TRDMT1: variants seen among roughly 807,000 people sequenced by gnomAD.
TRDMT1 encodes tRNA (cytosine(38)-C(5))-methyltransferase.
In TRDMT1, 49 loss-of-function variants were observed where a neutral mutation model predicts 51.2. The ratio of observed to expected loss-of-function variants is 0.96; its 90% CI spans 0.76 to 1.21. TRDMT1 has a LOEUF of 1.21. TRDMT1 is among the 50% of genes most tolerant of loss of function. TRDMT1 has a pLI of 0.00. For synonymous variants in TRDMT1, 187 were observed against 164.6 expected (o/e 1.14, Z -1.04); for missense variants, 534 against 462.3 (o/e 1.16, Z -1.42).
intron 1 of TRDMT1, among the ~76,000 whole-genome samples, chr10:17,190,989 G>A (rs552238425): frequency 6.6e-6 from 1 of 152,354 alleles, no homozygotes; most frequent in South Asian, 2.1e-4. Flanking sequence ...GTTACAGAAT[G>A]TCTCTTTAGC....
Position 17,148,439 on chromosome 10 carries a change from C to A in TRDMT1, c.*601G>T, listed in dbSNP as rs1021226212. 4 of 985,240 alleles carry A rather than the reference C, an allele frequency of 4.1e-6. No individual in the cohort carries two copies. In the African/African-American group the frequency reaches 7.0e-5, roughly 17 times the overall value. The allele number at this position is 985,240 out of a possible 1,614,324, so 61.0% of individuals were successfully genotyped here. A position where few individuals can be genotyped will look rare whatever the true frequency, so the allele number is the denominator to read the frequency against. On this transcript the variant is annotated 3_prime_UTR_variant, in exon 11 of 11. Coordinates refer to ENST00000377799, the MANE Select transcript of TRDMT1 (RefSeq NM_004412.7). Reference sequence around the variant, plus strand: ...CTGAGGAAAATGTAGATAATGTGCACCAACAGTTTCTGTGGCCGCTTCATG... The same window carrying A: ...CTGAGGAAAATGTAGATAATGTGCAACAACAGTTTCTGTGGCCGCTTCATG...
chr10:17,149,207 A>G (rs963359519), intron 10 of TRDMT1, 67 bp from the exon 11 acceptor site: 1 of 1,268,568 alleles, frequency 7.9e-7, no homozygotes, highest in Non-Finnish European at 1.1e-6. Flanking sequence ...GAAAGGATGT[A>G]TCCTTTAGTA....
At chr10:17,159,564 T>C (rs1457267951) in intron 6 of TRDMT1, among the ~76,000 whole-genome samples, 1 of 152,168 alleles carries the variant, frequency 6.6e-6, no homozygotes, top group Admixed American at 6.5e-5. Context: ...AATTCAAATA[T>C]AGCTATTCTT....
rs1837932766 is a variant in TRDMT1, at chr10:17,144,418, T to C, written c.*4622A>G. 1 of 985,466 alleles carries C rather than the reference T, an allele frequency of 1.0e-6. No individual in the cohort carries two copies. The highest frequency in any genetic ancestry group is 1.2e-6 in the Non-Finnish European group (1 of 829,926). 61.0% of individuals were successfully genotyped at this position (985,466 alleles called of 1,614,324 possible). A position where few individuals can be genotyped will look rare whatever the true frequency, so the allele number is the denominator to read the frequency against. ...AAAAGAGTTCTATGGGAGAACTCAG[T>C]TCCTATCTTGTAATTTTTGTGAAAA... On this transcript the variant is annotated 3_prime_UTR_variant, in exon 11 of 11. Transcript: ENST00000377799.
At chr10:17,180,157 T>G (rs868469269) in intron 1 of TRDMT1, among the ~76,000 whole-genome samples, 3 of 152,210 alleles carry the variant, frequency 2.0e-5, no homozygotes, top group Admixed American at 6.5e-5. Context: ...TATGGCTATG[T>G]TTGTCTATTA....
At chr10:17,169,192 G>C (rs146022216) in intron 2 of TRDMT1, 1 of 564,370 alleles carries the variant, frequency 1.8e-6, no homozygotes, top group African/African-American at 1.9e-5. Flanking sequence ...AAGCACATCT[G>C]GCCTGTATCA....
chr10:17,152,553 A>G (rs1390780851), intron 10 of TRDMT1, among the ~76,000 whole-genome samples: 9 of 152,332 alleles, frequency 5.9e-5, no homozygotes, highest in Non-Finnish European at 1.5e-5. Flanking sequence ...AACTCTCAAG[A>G]GTCCTCAAAA....
chr10:17,180,527 G>A (rs970326290), intron 1 of TRDMT1, among the ~76,000 whole-genome samples: 32 of 123,794 alleles, frequency 2.6e-4, no homozygotes, highest in Non-Finnish European at 4.0e-4. Context: ...GCAAAAGAGC[G>A]GAACTCTGTC....
At chr10:17,149,234 T>A in intron 10 of TRDMT1, 94 bp from the exon 11 acceptor site, 1 of 937,124 alleles carries the variant, frequency 1.1e-6, no homozygotes, top group Non-Finnish European at 1.6e-6. Context: ...CAGCGGTCAT[T>A]TCATAAGTAA....
In TRDMT1 at chr10:17,145,969, G is replaced by A. The variant is rs1359774620; in HGVS notation, c.*3071C>T. The A allele has an allele frequency of 2.0e-6, 2 of 985,414 alleles. No individual in the cohort carries two copies. Among genetic ancestry groups the A allele is most frequent in the Non-Finnish European group, 2.4e-6 (2 of 829,934 alleles). 61.0% of individuals were successfully genotyped at this position (985,414 alleles called of 1,614,324 possible). On this transcript the variant is annotated 3_prime_UTR_variant, in exon 11 of 11. Coordinates refer to ENST00000377799, the MANE Select transcript of TRDMT1 (RefSeq NM_004412.7). ...CTCTAGACCTCAACTAGGTTGAGATGGGAGCAAAAACCCAGATGGTGATTT... is the reference window on the plus strand; with the variant it reads ...CTCTAGACCTCAACTAGGTTGAGATAGGAGCAAAAACCCAGATGGTGATTT...
At chr10:17,163,336 G>C (rs1234358084) in intron 3 of TRDMT1, among the ~76,000 whole-genome samples, 2 of 152,080 alleles carry the variant, frequency 1.3e-5, no homozygotes, top group African/African-American at 2.4e-5. Flanking sequence ...AATTGAGCCT[G>C]AGCAGCAGGA....
At chr10:17,154,867 A>C in intron 8 of TRDMT1, 133 bp from the exon 9 acceptor site, 1 of 731,404 alleles carries the variant, frequency 1.4e-6, no homozygotes, top group South Asian at 2.6e-5. Context: ...ATGTCACATA[A>C]ATATCCTTTG....
chr10:17,180,954 T>G (rs575792863), intron 1 of TRDMT1, among the ~76,000 whole-genome samples: 1 of 152,316 alleles, frequency 6.6e-6, no homozygotes, highest in Admixed American at 6.5e-5. Flanking sequence ...CTAATGAAAT[T>G]TTACTAATAT....
intron 1 of TRDMT1, among the ~76,000 whole-genome samples, chr10:17,192,523 C>T (rs1844830505): frequency 6.6e-6 from 1 of 152,188 alleles, no homozygotes; most frequent in Non-Finnish European, 1.5e-5. Context: ...CTTTTGTTGC[C>T]CATCAGACAT....
At chr10:17,196,595 T>C (rs1845475597) in intron 1 of TRDMT1, among the ~76,000 whole-genome samples, 1 of 152,254 alleles carries the variant, frequency 6.6e-6, no homozygotes, top group Non-Finnish European at 1.5e-5. Flanking sequence ...AATATCAAAG[T>C]ACACATAAGT....
chr10:17,179,663 T>A (rs1843031829), intron 1 of TRDMT1, among the ~76,000 whole-genome samples: 2 of 150,754 alleles, frequency 1.3e-5, no homozygotes, highest in Non-Finnish European at 2.9e-5. Flanking sequence ...GGGAGATGAA[T>A]TGCAGGAGAA....
intron 1 of TRDMT1, among the ~76,000 whole-genome samples, chr10:17,184,509 T>A (rs985716575): frequency 1.3e-5 from 2 of 151,906 alleles, no homozygotes; most frequent in African/African-American, 2.4e-5. Flanking sequence ...CTCTCTAAAT[T>A]TGTCTTCCCA....
intron 1 of TRDMT1, among the ~76,000 whole-genome samples, chr10:17,184,954 C>T (rs889213383): frequency 6.6e-6 from 1 of 152,154 alleles, no homozygotes; most frequent in Non-Finnish European, 1.5e-5. Flanking sequence ...CTCTCTTTCT[C>T]TGCTAGAATT....
chr10:17,189,327 T>C (rs975129929), intron 1 of TRDMT1, among the ~76,000 whole-genome samples: 1 of 152,192 alleles, frequency 6.6e-6, no homozygotes, highest in Non-Finnish European at 1.5e-5. Context: ...GATGTCTTCA[T>C]AGCGAAAAAC....
Sources: allele counts gnomAD v4.1 joint callset (sites outside exome capture counted in the v4.1 genomes callset), GRCh38; gene constraint gnomAD v4.1.1; transcripts MANE v1.5; gene names NCBI Gene and HGNC (gene_info 2026-07-23, HGNC 2026-07-21).